Variants in CRB1 observed in about 807,000 individuals in gnomAD.
CRB1 encodes the protein protein crumbs homolog 1.
CRB1 carries 83 observed loss-of-function variants against 120.0 expected under a neutral mutation model. The ratio of observed to expected loss-of-function variants is 0.69; its 90% CI spans 0.58 to 0.83. The LOEUF is 0.83. CRB1 is among the 40% of genes least tolerant of loss of function. The pLI, the probability that CRB1 is intolerant of heterozygous loss-of-function variation, is 0.00. For missense variants in CRB1, 1,699 were observed against 1,687.6 expected (o/e 1.01, Z -0.12); for synonymous variants, 625 against 612.5 (o/e 1.02, Z -0.30).
chr1:197,444,258 T>C (rs1256194163), intron 11 of CRB1: 1 of 152,198 alleles, frequency 6.6e-6, no homozygotes, highest in African/African-American at 2.4e-5. Context: ...AATTTTTATA[T>C]AGCAAATTCA....
At chr1:197,476,362 TTG>T (rs35012815) in intron 11 of CRB1, among the ~76,000 whole-genome samples, 37,228 of 140,002 alleles carry the variant, frequency 0.27, 5,019 homozygotes, top group Middle Eastern at 0.38. Context: ...TTATGATTAT[TTG>T]TGTGTGTGTG....
chr1:197,355,488 G>A (rs985461980), intron 4 of CRB1, among the ~76,000 whole-genome samples: 2 of 152,206 alleles, frequency 1.3e-5, no homozygotes, highest in Non-Finnish European at 2.9e-5. Flanking sequence ...AGGAGCCCTG[G>A]GGGATTGCGG....
chr1:197,292,248 C>T (rs1463298598), intron 1 of CRB1, among the ~76,000 whole-genome samples: 2 of 152,076 alleles, frequency 1.3e-5, no homozygotes, highest in African/African-American at 4.8e-5. Context: ...CACCACCAAT[C>T]CCACAGAAGT....
chr1:197,306,531 G>A (rs571572584), intron 1 of CRB1, among the ~76,000 whole-genome samples: 8 of 152,234 alleles, frequency 5.3e-5, no homozygotes, highest in African/African-American at 1.7e-4. Context: ...TATACTCAGA[G>A]GCAAAAAGCC....
intron 5 of CRB1, among the ~76,000 whole-genome samples, chr1:197,419,196 G>A (rs1009376358): frequency 2.0e-5 from 3 of 152,102 alleles, no homozygotes; most frequent in Admixed American, 2.0e-4. Flanking sequence ...CAGCATAGCT[G>A]GGGTTCTGAT....
chr1:197,335,352 C>G (rs1400628067), intron 2 of CRB1, among the ~76,000 whole-genome samples: 2 of 152,150 alleles, frequency 1.3e-5, no homozygotes, highest in African/African-American at 4.8e-5. Flanking sequence ...AACAAGGTCA[C>G]TCTGCTTATT....
chr1:197,293,816 G>A (rs1656348911), intron 1 of CRB1, among the ~76,000 whole-genome samples: 1 of 152,114 alleles, frequency 6.6e-6, no homozygotes, highest in South Asian at 2.1e-4. Flanking sequence ...ATGGGGAAAG[G>A]ATTCCCTATT....
chr1:197,243,584 T>A, the CRB1 span, among the ~76,000 whole-genome samples: 1 of 152,178 alleles, frequency 6.6e-6, no homozygotes, highest in Admixed American at 6.5e-5. Context: ...AGGAGTGTTT[T>A]ACTTCCAATT....
intron 5 of CRB1, among the ~76,000 whole-genome samples, chr1:197,385,862 T>TA (rs1456969242): frequency 3.3e-5 from 5 of 152,042 alleles, no homozygotes; most frequent in African/African-American, 7.2e-5. Context: ...TTCAGAGCTT[T>TA]AAAAAAAGAA....
intron 5 of CRB1, among the ~76,000 whole-genome samples, chr1:197,389,318 A>T (rs1444212090): frequency 3.3e-5 from 5 of 152,172 alleles, no homozygotes; most frequent in Admixed American, 6.6e-5. Context: ...TATGAATACT[A>T]TATAAATATA....
chr1:197,305,627 C>G (rs1157560519), intron 1 of CRB1, among the ~76,000 whole-genome samples: 2 of 151,828 alleles, frequency 1.3e-5, no homozygotes, highest in Non-Finnish European at 2.9e-5. Context: ...CAGCATTCAT[C>G]TTGGGTTAAC....
chr1:197,470,278 C>T (rs1666924443), intron 11 of CRB1, among the ~76,000 whole-genome samples: 1 of 152,132 alleles, frequency 6.6e-6, no homozygotes, highest in Non-Finnish European at 1.5e-5. Context: ...CTATAGACTT[C>T]ACATGGTACT....
chr1:197,435,807 G>A (rs890427760), intron 9 of CRB1, among the ~76,000 whole-genome samples, 195 bp downstream of exon 9: 5 of 152,064 alleles, frequency 3.3e-5, no homozygotes, highest in Non-Finnish European at 7.4e-5. Context: ...GGTCAGAAAG[G>A]TAGTGTTTAA....
At chr1:197,311,967 T>C (rs979757142) in intron 1 of CRB1, among the ~76,000 whole-genome samples, 25 of 152,154 alleles carry the variant, frequency 1.6e-4, no homozygotes, top group African/African-American at 6.0e-4. Context: ...AAATTTCATA[T>C]AGCCAAGTGT....
At chr1:197,430,144 T>G (rs1268920906) in intron 8 of CRB1, among the ~76,000 whole-genome samples, 3 of 152,210 alleles carry the variant, frequency 2.0e-5, no homozygotes, top group African/African-American at 7.2e-5. Context: ...GTGAAAAGTT[T>G]TCCTGTCCAT....
intron 1 of CRB1, among the ~76,000 whole-genome samples, chr1:197,313,438 C>A (rs1039319756): frequency 7.9e-5 from 12 of 152,188 alleles, no homozygotes; most frequent in Non-Finnish European, 1.3e-4. Context: ...ACATTTATCT[C>A]TTCTTTGTGT....
intron 1 of CRB1, among the ~76,000 whole-genome samples, chr1:197,325,890 C>T (rs193115175): frequency 3.9e-5 from 6 of 152,152 alleles, no homozygotes; most frequent in African/African-American, 1.4e-4. Context: ...ACGCCTCCTT[C>T]CTTTCCTTCT....
intron 1 of CRB1, among the ~76,000 whole-genome samples, chr1:197,324,887 T>G (rs957233189): frequency 2.0e-5 from 3 of 152,222 alleles, no homozygotes; most frequent in Non-Finnish European, 2.9e-5. Flanking sequence ...TGGCCTCAAT[T>G]TAGTATTTAA....
chr1:197,457,294 ATTATTT>A (rs1666326992), intron 11 of CRB1, among the ~76,000 whole-genome samples: 1 of 152,074 alleles, frequency 6.6e-6, no homozygotes, highest in Non-Finnish European at 1.5e-5. Context: ...CATTATAAGC[ATTATTT>A]TATTTATTAT....
Sources: allele counts gnomAD v4.1 joint callset (sites outside exome capture counted in the v4.1 genomes callset), GRCh38; gene constraint gnomAD v4.1.1; transcripts MANE v1.5; gene names NCBI Gene and HGNC (gene_info 2026-07-23, HGNC 2026-07-21).